PCDH15: variants seen among roughly 807,000 people sequenced by gnomAD.
PCDH15 encodes protocadherin related 15.
Under a neutral mutation model 178.5 loss-of-function variants are expected in PCDH15, and 129 were observed. The observed-to-expected ratio is 0.72, with a 90% CI of 0.63 to 0.84. The LOEUF is 0.84. PCDH15 is among the 40% of genes least tolerant of loss of function. The pLI is 0.00. For synonymous variants in PCDH15, 800 were observed against 732.0 expected (o/e 1.09, Z -1.50); for missense variants, 2,230 against 2,099.9 (o/e 1.06, Z -1.21).
intron 3 of PCDH15, among the ~76,000 whole-genome samples, chr10:54,453,345 TC>T (rs1382364723): frequency 6.6e-6 from 1 of 152,110 alleles, no homozygotes; most frequent in Admixed American, 6.6e-5. Flanking sequence ...TGAATTCATA[TC>T]CTTTGTAGGG....
At chr10:54,004,042 G>A (rs1394095999) in intron 20 of PCDH15, among the ~76,000 whole-genome samples, 1 of 151,984 alleles carries the variant, frequency 6.6e-6, no homozygotes, top group Non-Finnish European at 1.5e-5. Context: ...AAAACCATAT[G>A]ATCATTTCAA....
chr10:55,471,043 G>T lies in PCDH15; in HGVS notation c.-156+156582C>A, dbSNP rs369216626. Among the ~76,000 whole-genome samples, 11 of 152,224 alleles carry T rather than the reference G, an allele frequency of 7.2e-5. No homozygotes were observed. The East Asian group carries it at 1.9e-3, about 27-fold the overall frequency. On this transcript the variant is annotated intron_variant, in intron 2 of 5. Transcript: ENST00000613346. ...TATTCTGTTATATGGATATACCACA[G>T]TGTGTTTGTCCATTCACCTACTAAA...
intron 8 of PCDH15, among the ~76,000 whole-genome samples, chr10:54,300,310 A>C (rs1427404756): frequency 6.6e-6 from 1 of 152,240 alleles, no homozygotes; most frequent in Non-Finnish European, 1.5e-5. Context: ...GTCCGGTAGC[A>C]GCCATTTTGC....
chr10:54,367,222 A>G (rs1406327186), intron 5 of PCDH15, among the ~76,000 whole-genome samples: 1 of 152,068 alleles, frequency 6.6e-6, no homozygotes, highest in East Asian at 1.9e-4. Flanking sequence ...GAATTTGAGA[A>G]TGTTCAGAAT....
At chr10:54,662,111 C>T (rs1387339454) in intron 2 of PCDH15, among the ~76,000 whole-genome samples, 3 of 151,782 alleles carry the variant, frequency 2.0e-5, no homozygotes, top group Non-Finnish European at 4.4e-5. Context: ...TTAGAATAAA[C>T]AGACAACCTA....
At chr10:55,577,600 A>G (rs1457780765) in intron 2 of PCDH15, among the ~76,000 whole-genome samples, 2 of 152,290 alleles carry the variant, frequency 1.3e-5, no homozygotes, top group Non-Finnish European at 2.9e-5. Context: ...TATAAAAACG[A>G]AAAACACTGT....
rs150129431 is a variant in PCDH15, at chr10:55,138,213, G to A, written c.-80+28363C>T. ...AACAACACATTTTTAGTATAAGTAC[G>A]TCCAATGCAATATTTAGTAAATACT... On this transcript the variant is annotated intron_variant, in intron 2 of 5. Transcript: ENST00000458638. Among the ~76,000 whole-genome samples, 122 of 152,120 alleles carry A rather than the reference G, an allele frequency of 8.0e-4. 2 individuals are homozygous for A. Among genetic ancestry groups the A allele is most frequent in the African/African-American group, 2.7e-3 (112 of 41,508 alleles).
At chr10:54,330,254 A>G (rs560214626) in intron 6 of PCDH15, among the ~76,000 whole-genome samples, 106 of 151,934 alleles carry the variant, frequency 7.0e-4, no homozygotes, top group South Asian at 1.9e-3. Context: ...TCATTGTGTG[A>G]CTATTATAGA....
intron 32 of PCDH15, chr10:53,821,852 G>C (rs1267643950): frequency 6.2e-7 from 1 of 1,612,160 alleles, no homozygotes; most frequent in Non-Finnish European, 8.5e-7. Context: ...AATAAGAAAA[G>C]CAACATTACA....
intron 2 of PCDH15, among the ~76,000 whole-genome samples, chr10:54,627,333 C>T (rs1565790623): frequency 6.6e-6 from 1 of 152,082 alleles, no homozygotes. Context: ...TCTTGAAGCT[C>T]CCATAGTTCC....
intron 2 of PCDH15, chr10:54,600,049 G>A: frequency 7.6e-7 from 1 of 1,315,980 alleles, no homozygotes; most frequent in Middle Eastern, 1.8e-4. Context: ...TGAACAGAAA[G>A]AGGAAGAAAA....
intron 10 of PCDH15, among the ~76,000 whole-genome samples, chr10:54,204,106 C>A (rs1222593846): frequency 2.0e-5 from 3 of 152,258 alleles, no homozygotes; most frequent in East Asian, 3.9e-4. Context: ...GACATTTGGA[C>A]ATGTTTGTCT....
intron 18 of PCDH15, among the ~76,000 whole-genome samples, chr10:54,025,679 A>G (rs912870729): frequency 6.6e-6 from 1 of 151,932 alleles, no homozygotes; most frequent in African/African-American, 2.4e-5. Flanking sequence ...TTGCATTTTT[A>G]GTAGAGACCG....
At chr10:54,766,973 GTTC>G (rs1948595296) in intron 1 of PCDH15, among the ~76,000 whole-genome samples, 2 of 151,420 alleles carry the variant, frequency 1.3e-5, no homozygotes, top group African/African-American at 2.4e-5. Flanking sequence ...ACCTTTTTGT[GTTC>G]TTAATATAAT....
At chr10:55,229,679 C>A (rs1392939705) in intron 1 of PCDH15, among the ~76,000 whole-genome samples, 1 of 152,020 alleles carries the variant, frequency 6.6e-6, no homozygotes. Context: ...TTTAGTTTTA[C>A]TTCAAACATT....
At chr10:54,041,428 G>A (rs1005428939) in intron 18 of PCDH15, among the ~76,000 whole-genome samples, 1 of 151,900 alleles carries the variant, frequency 6.6e-6, no homozygotes, top group African/African-American at 2.4e-5. Context: ...CTCTAACTAA[G>A]GACAAGAGTA....
chr10:55,583,105 C>T (rs1305126498), intron 2 of PCDH15, among the ~76,000 whole-genome samples: 1 of 152,018 alleles, frequency 6.6e-6, no homozygotes, highest in Non-Finnish European at 1.5e-5. Context: ...AAATGCGGTG[C>T]TCTTCTAATT....
chr10:54,028,012 CA>C (rs1415786712), intron 18 of PCDH15, among the ~76,000 whole-genome samples: 5 of 148,468 alleles, frequency 3.4e-5, no homozygotes, highest in Admixed American at 1.4e-4. Context: ...GCAACCCACA[CA>C]ATGGGAGAAA....
chr10:55,083,318 T>C (rs952492957), intron 2 of PCDH15, among the ~76,000 whole-genome samples: 5 of 151,944 alleles, frequency 3.3e-5, no homozygotes, highest in Non-Finnish European at 5.9e-5. Flanking sequence ...ATCATTTCAA[T>C]TGATGCTGAA....
Sources: gnomAD v4.1 joint callset for allele counts (sites outside exome capture counted in the v4.1 genomes callset) on GRCh38, gnomAD v4.1.1 for gene constraint, MANE v1.5 for transcripts, NCBI Gene and HGNC (gene_info 2026-07-23, HGNC 2026-07-21) for gene names.